The following ARID2 variants were observed in gnomAD, a reference collection of about 807,000 sequenced individuals.
ARID2 encodes the protein AT-rich interactive domain-containing protein 2.
A neutral mutation model predicts 184.6 loss-of-function variants in ARID2; 32 were observed. The ratio of observed to expected loss-of-function variants is 0.17; its 90% CI spans 0.13 to 0.23. The LOEUF (loss-of-function observed/expected upper bound fraction) is 0.23. Among genes scored for constraint, ARID2 ranks in the 10% least tolerant of loss-of-function variants. ARID2 has a pLI of 1.00. For missense variants in ARID2, 1,696 were observed against 2,197.6 expected, an observed-to-expected ratio of 0.77 and a Z score of 4.56; for synonymous variants, 836 against 772.6, an observed-to-expected ratio of 1.08 and a Z score of -1.36.
intron 6 of ARID2, among the ~76,000 whole-genome samples, chr12:45,835,449 A>T (rs1943201105): frequency 6.6e-6 from 1 of 152,150 alleles, no homozygotes; most frequent in Non-Finnish European, 1.5e-5. Context: ...ACATGAAGCC[A>T]GTAAGCCTTT....
chr12:45,762,072 A>AT (rs1158866850), intron 3 of ARID2, among the ~76,000 whole-genome samples: 6 of 151,692 alleles, frequency 4.0e-5, no homozygotes, highest in Non-Finnish European at 8.8e-5. Flanking sequence ...TATTTCTGAT[A>AT]TTTTTTCATG....
intron 3 of ARID2, among the ~76,000 whole-genome samples, chr12:45,792,807 G>C (rs1235751242): frequency 1.3e-5 from 2 of 152,078 alleles, no homozygotes; most frequent in East Asian, 3.8e-4. Context: ...ATCTTTAATA[G>C]AGGTTTTTAT....
intron 16 of ARID2, among the ~76,000 whole-genome samples, chr12:45,876,923 A>C (rs911093052): frequency 6.6e-5 from 10 of 151,688 alleles, no homozygotes; most frequent in Non-Finnish European, 1.5e-4. Context: ...ACTCATCTCT[A>C]CTAAAAAAAT....
intron 16 of ARID2, among the ~76,000 whole-genome samples, chr12:45,872,086 T>G (rs895211238): frequency 6.6e-6 from 1 of 152,094 alleles, no homozygotes; most frequent in African/African-American, 2.4e-5. Context: ...TTTTGTTAAA[T>G]TTTTTTCTTT....
chr12:45,828,276 T>C lies in ARID2; in HGVS notation c.705+6789T>C, dbSNP rs1188577366. 2.0e-5 allele frequency among the ~76,000 whole-genome samples: 3 copies of C among 152,150 alleles called. No individual in the cohort carries two copies. The East Asian group carries it at 5.8e-4, about 29-fold the overall frequency. On this transcript the variant is annotated intron_variant, in intron 6 of 20. Transcript: ENST00000334344. ...CAACATCATGTTTGTGAAAGTTTCA[T>C]GCATATCGTTGCAAGTATTTGTATT...
At position 45,850,067 on chromosome 12, in the gene ARID2, C is replaced by T. The variant is rs757887521; in HGVS notation, c.1944C>T (p.Asn648=). 16 of 1,613,544 alleles carry T rather than the reference C, an allele frequency of 9.9e-6. No homozygotes were observed. In the South Asian group the frequency reaches 1.6e-4, roughly 17 times the overall value. ...CTCATGGATCACAAACCATAGGAAA[C>T]CATTTTCAGAGGACTCCTGTTGCCA... is the stretch of plus-strand genomic sequence containing the variant. ...GIPHGSQTIG[N]HFQRTPVANQ... The change falls in exon 15 of 21, where the codon AAC becomes AAT. Residue 648 remains asparagine, a synonymous_variant. Transcript: ENST00000334344.
intron 10 of ARID2, 120 bp downstream of exon 10, chr12:45,837,827 T>A: frequency 1.3e-6 from 1 of 752,832 alleles, no homozygotes; most frequent in Non-Finnish European, 2.0e-6. Flanking sequence ...AGTCATTACC[T>A]CCTCAGGCAT....
At chr12:45,883,670 TAGAA>T (rs939960589) in intron 16 of ARID2, among the ~76,000 whole-genome samples, 8 of 151,476 alleles carry the variant, frequency 5.3e-5, no homozygotes, top group Non-Finnish European at 1.2e-4. Flanking sequence ...TAGTATCACA[TAGAA>T]GGAGAAAATC....
chr12:45,757,965 A>C (rs1488773384), intron 3 of ARID2, among the ~76,000 whole-genome samples: 1 of 152,238 alleles, frequency 6.6e-6, no homozygotes, highest in Non-Finnish European at 1.5e-5. Context: ...TTTCTAATAA[A>C]TTCCTTTAGG....
At chr12:45,750,482 C>T (rs1365332358) in intron 3 of ARID2, among the ~76,000 whole-genome samples, 1 of 152,064 alleles carries the variant, frequency 6.6e-6, no homozygotes, top group Non-Finnish European at 1.5e-5. Context: ...AAAAATGATG[C>T]CGATAGACTT....
At chr12:45,782,518 G>A (rs1476855736) in intron 3 of ARID2, among the ~76,000 whole-genome samples, 2 of 152,078 alleles carry the variant, frequency 1.3e-5, no homozygotes, top group East Asian at 3.8e-4. Context: ...TGCAACCCCA[G>A]CTACTCAGGA....
At chr12:45,739,825 C>A (rs141390648) in intron 3 of ARID2, among the ~76,000 whole-genome samples, 11 of 152,098 alleles carry the variant, frequency 7.2e-5, no homozygotes, top group Non-Finnish European at 1.3e-4. Flanking sequence ...TCTTCTATTA[C>A]AATAGGTCAA....
intron 15 of ARID2, among the ~76,000 whole-genome samples, chr12:45,855,530 A>G (rs1461853127): frequency 6.6e-6 from 1 of 152,210 alleles, no homozygotes; most frequent in African/African-American, 2.4e-5. Flanking sequence ...GTAATGGGGA[A>G]GGTATGCTTT....
chr12:45,773,444 TAAATC>T (rs1395913055), intron 3 of ARID2, among the ~76,000 whole-genome samples: 3 of 152,028 alleles, frequency 2.0e-5, no homozygotes, highest in African/African-American at 4.8e-5. Flanking sequence ...CAAAATTAGT[TAAATC>T]AAAAGCTGGG....
In ARID2 at chr12:45,842,755, CA is replaced by C. The variant is rs1242038485; in HGVS notation, c.1498+3273del. ...TTGGTGACAGACCAAGACTCCATCTCAAAAAAAAAAAAAATTATTAAACAAA... is the reference window on the plus strand; with the variant it reads ...TTGGTGACAGACCAAGACTCCATCTCAAAAAAAAAAAAATTATTAAACAAA... On this transcript the variant is annotated intron_variant, in intron 11 of 20. Coordinates refer to ENST00000334344, the MANE Select transcript of ARID2 (RefSeq NM_152641.4). Among the ~76,000 whole-genome samples, 381 of 131,778 alleles carry C rather than the reference CA, an allele frequency of 2.9e-3. 2 individuals are homozygous for C. The highest frequency in any genetic ancestry group is 4.8e-3 in the East Asian group (22 of 4,622). The allele number at this position is 131,778 out of a possible 152,430, so 86.5% of individuals were successfully genotyped here.
At chr12:45,826,010 T>TACG (rs1942992954) in intron 6 of ARID2, among the ~76,000 whole-genome samples, 2 of 152,154 alleles carry the variant, frequency 1.3e-5, no homozygotes, top group African/African-American at 2.4e-5. Context: ...GCATTTTTCT[T>TACG]TTATAATGGA....
At chr12:45,877,620 A>C (rs1360984692) in intron 16 of ARID2, among the ~76,000 whole-genome samples, 1 of 152,014 alleles carries the variant, frequency 6.6e-6, no homozygotes. Context: ...TCCATGGAAA[A>C]ATTGTCTTCC....
intron 3 of ARID2, chr12:45,789,298 T>C (rs1942250647): frequency 6.6e-6 from 1 of 152,210 alleles, no homozygotes; most frequent in Non-Finnish European, 1.5e-5. Flanking sequence ...TTTTGGATTA[T>C]ATTTTGTCTG....
intron 16 of ARID2, chr12:45,881,874 CTG>C (rs1482464892): frequency 4.5e-6 from 1 of 224,432 alleles, no homozygotes; most frequent in Non-Finnish European, 8.8e-6. Context: ...CTCCTCCTCA[CTG>C]TGTCTGGGAT....
Sources: allele counts gnomAD v4.1 joint callset (sites outside exome capture counted in the v4.1 genomes callset), GRCh38; gene constraint gnomAD v4.1.1; transcripts MANE v1.5; gene names NCBI Gene and HGNC (gene_info 2026-07-23, HGNC 2026-07-21).